SIPA1L3: variants seen among roughly 807,000 people sequenced by gnomAD.
SIPA1L3 encodes signal induced proliferation associated 1 like 3.
Under a neutral mutation model 150.1 loss-of-function variants are expected in SIPA1L3, and 59 were observed. The ratio of observed to expected loss-of-function variants is 0.39; its 90% CI spans 0.32 to 0.49. SIPA1L3 has a LOEUF of 0.49. Ranked by LOEUF, SIPA1L3 falls within the 20% of genes least tolerant of loss-of-function variation. The pLI, the probability that SIPA1L3 is intolerant of heterozygous loss-of-function variation, is 0.86. For synonymous variants in SIPA1L3, 1,070 were observed against 1,077.6 expected, an observed-to-expected ratio of 0.99 and a Z score of 0.14; for missense variants, 2,211 against 2,489.5, an observed-to-expected ratio of 0.89 and a Z score of 2.38.
Position 38,198,402 on chromosome 19 carries a change from C to G in SIPA1L3, c.4854C>G (p.Ala1618=). 1 of 1,572,764 alleles carries G rather than the reference C, an allele frequency of 6.4e-7. No individual in the cohort carries two copies. Among genetic ancestry groups the G allele is most frequent in the Non-Finnish European group, 8.6e-7 (1 of 1,161,430 alleles). The change falls in exon 19 of 22, where the codon GCC becomes GCG. Residue 1618 remains alanine, a synonymous_variant. Transcript: ENST00000222345. ...CTCCCCATCCAGCCACCATCTCAGCCTCGGAGCTCTCGCTGGCTGATGGGC... is the reference window on the plus strand; with the variant it reads ...CTCCCCATCCAGCCACCATCTCAGCGTCGGAGCTCTCGCTGGCTGATGGGC... ...GFPEKKSTIS[A]SELSLADGRD...
In SIPA1L3 at chr19:38,164,383, TC is replaced by T; in HGVS notation, c.3781-93del. On this transcript the variant is annotated intron_variant, in intron 14 of 21. Coordinates refer to ENST00000222345, the MANE Select transcript of SIPA1L3 (RefSeq NM_015073.3). This position sits in a 1 kb window ranked among gnomAD's most constrained non-coding sequence, Gnocchi z 4.1. ...GAAGCCAGGATTTGAAGCTGTCTGGTCCCAGGGTTCAGGCCCAGGCAGAGGG... is the reference window on the plus strand; with the variant it reads ...GAAGCCAGGATTTGAAGCTGTCTGGTCCAGGGTTCAGGCCCAGGCAGAGGG... 1 of 1,178,198 alleles carries T rather than the reference TC, an allele frequency of 8.5e-7. No homozygotes were observed. 73.0% of individuals were successfully genotyped at this position (1,178,198 alleles called of 1,614,324 possible).
chr19:37,957,480 C>G (rs1438763408), intron 1 of SIPA1L3, among the ~76,000 whole-genome samples: 3 of 152,034 alleles, frequency 2.0e-5, no homozygotes, highest in African/African-American at 7.3e-5. Context: ...TTTCAGTGTA[C>G]AAGTCTACAC....
intron 1 of SIPA1L3, among the ~76,000 whole-genome samples, chr19:37,997,134 ATG>A (rs1192909678): frequency 6.6e-6 from 1 of 152,162 alleles, no homozygotes; most frequent in Non-Finnish European, 1.5e-5. Context: ...CCACAAGTAC[ATG>A]TGCAACTTTT....
intron 8 of SIPA1L3, among the ~76,000 whole-genome samples, chr19:38,111,169 T>A (rs1166532283): frequency 6.6e-6 from 1 of 151,734 alleles, no homozygotes; most frequent in East Asian, 1.9e-4. Context: ...GAACTACAGG[T>A]GCACACCCCC....
intron 2 of SIPA1L3, among the ~76,000 whole-genome samples, chr19:38,049,356 C>A (rs950798661): frequency 3.3e-5 from 5 of 152,154 alleles, no homozygotes; most frequent in African/African-American, 1.2e-4. Flanking sequence ...GTATCTCATT[C>A]TTTCGGTTTC....
rs756754092 is a variant in SIPA1L3, at chr19:38,141,375, G to T, written c.3335G>T (p.Arg1112Leu). ...CCCGGCCATGCCCAGTCCCTGAGCC[G>T]GCCCCTGAAGCAGACCCCCATAGTC... is the stretch of plus-strand genomic sequence containing the variant. ...TTPGHAQSLS[R>L]PLKQTPIVPF... Residue 1112 changes from arginine to leucine, a missense_variant, in exon 11 of 22, where the codon CGG (arginine) becomes CTG (leucine). Physicochemically the swap from Arg to Leu is moderately radical, Grantham distance 102. Around this residue, in one of 5 missense-constraint regions of SIPA1L3, gnomAD observed 806 missense variants for 870.1 expected, o/e 0.93. Transcript: ENST00000222345. 1 of 1,613,534 alleles carries T rather than the reference G, an allele frequency of 6.2e-7. No individual in the cohort carries two copies. The highest frequency in any genetic ancestry group is 1.3e-5 in the African/African-American group (1 of 74,872).
At chr19:37,949,348 T>G (rs2046740919) in intron 1 of SIPA1L3, among the ~76,000 whole-genome samples, 2 of 152,154 alleles carry the variant, frequency 1.3e-5, no homozygotes, top group Admixed American at 1.3e-4. Flanking sequence ...CCCGTGCCTG[T>G]GTACATGCAC....
intron 2 of SIPA1L3, among the ~76,000 whole-genome samples, chr19:38,045,224 A>C (rs759869809): frequency 6.6e-6 from 1 of 152,116 alleles, no homozygotes; most frequent in Non-Finnish European, 1.5e-5. Flanking sequence ...CAAAAAATAC[A>C]AAAAGTAGCC....
At chr19:38,025,982 A>G (rs1968500627) in intron 1 of SIPA1L3, among the ~76,000 whole-genome samples, 1 of 152,190 alleles carries the variant, frequency 6.6e-6, no homozygotes, top group Admixed American at 6.5e-5. Flanking sequence ...GTAGGGAGCT[A>G]TGGGAATCGT....
intron 1 of SIPA1L3, among the ~76,000 whole-genome samples, chr19:37,909,374 G>GTTT (rs796432400): frequency 6.9e-6 from 1 of 144,286 alleles, no homozygotes; most frequent in Non-Finnish European, 1.5e-5. Flanking sequence ...CACGTGGTTA[G>GTTT]TTTTTTTTTT....
chr19:37,925,855 G>A (rs1391974207), intron 1 of SIPA1L3, among the ~76,000 whole-genome samples: 1 of 152,146 alleles, frequency 6.6e-6, no homozygotes, highest in African/African-American at 2.4e-5. Flanking sequence ...GCCTCCCAAA[G>A]TGCTGGGATT....
At chr19:38,109,818 A>AATG (rs1970699472) in intron 7 of SIPA1L3, 1 of 171,858 alleles carries the variant, frequency 5.8e-6, no homozygotes, top group African/African-American at 2.4e-5. Context: ...GAGTGTCAAT[A>AATG]AGTGTTAAGT....
intron 1 of SIPA1L3, among the ~76,000 whole-genome samples, chr19:37,938,019 C>T (rs1046128037): frequency 6.6e-6 from 1 of 152,018 alleles, no homozygotes; most frequent in Non-Finnish European, 1.5e-5. Flanking sequence ...TGCACTCCAG[C>T]CTGGGCGACA....
At chr19:37,967,904 C>T (rs2046918478) in intron 1 of SIPA1L3, among the ~76,000 whole-genome samples, 1 of 152,130 alleles carries the variant, frequency 6.6e-6, no homozygotes, top group Non-Finnish European at 1.5e-5. Context: ...AGCGATCCAC[C>T]CGCCTCAGCC....
chr19:38,140,726 T>C (rs1045085791), intron 10 of SIPA1L3, among the ~76,000 whole-genome samples: 3 of 152,062 alleles, frequency 2.0e-5, no homozygotes, highest in Non-Finnish European at 4.4e-5. Flanking sequence ...CTGGTAAGTT[T>C]CAGACCATTT....
In SIPA1L3 at chr19:38,119,690, T is replaced by A. The variant is rs769398611; in HGVS notation, c.2676T>A (p.Ile892=). The A allele has an allele frequency of 6.2e-6, 10 of 1,614,028 alleles. No individual in the cohort carries two copies. The highest frequency in any genetic ancestry group is 1.3e-5 in the African/African-American group (1 of 74,906). ...QGVEIDCILG[I]SNEFVVLLDL... ...TGGAAATCGACTGCATTTTGGGAAT[T>A]TCCAATGAGTTTGTGGTGCTCCTGG... Residue 892 remains isoleucine (I), a synonymous_variant, in exon 9 of 22, where the codon ATT becomes ATA. Transcript: ENST00000222345.
intron 1 of SIPA1L3, among the ~76,000 whole-genome samples, chr19:37,914,554 T>C (rs867609401): frequency 6.6e-6 from 1 of 151,902 alleles, no homozygotes; most frequent in Non-Finnish European, 1.5e-5. Flanking sequence ...TTGGTACTTT[T>C]AATAGAGGAG....
intron 2 of SIPA1L3, among the ~76,000 whole-genome samples, chr19:38,053,736 T>C (rs1169815861): frequency 6.6e-6 from 1 of 151,964 alleles, no homozygotes; most frequent in Non-Finnish European, 1.5e-5. Context: ...TTTATTATTT[T>C]TTATTTTTTG....
At chr19:38,190,624 C>A (rs1972787349) in intron 16 of SIPA1L3, among the ~76,000 whole-genome samples, 1 of 152,182 alleles carries the variant, frequency 6.6e-6, no homozygotes, top group Non-Finnish European at 1.5e-5. Flanking sequence ...AGGTTCAAAG[C>A]CTCTTTTTCT....
Sources: allele counts gnomAD v4.1 joint callset (sites outside exome capture counted in the v4.1 genomes callset), GRCh38; gene constraint gnomAD v4.1.1; regional missense constraint gnomAD v4.1.1; non-coding constraint Gnocchi (gnomAD v3.1); transcripts MANE v1.5; gene names NCBI Gene and HGNC (gene_info 2026-07-23, HGNC 2026-07-21).